Variants in RYR2 observed in about 807,000 individuals in gnomAD.
RYR2 encodes ryanodine receptor 2.
Under a neutral mutation model 601.1 loss-of-function variants are expected in RYR2, and 227 were observed. The ratio of observed to expected loss-of-function variants is 0.38; its 90% CI spans 0.34 to 0.42. The LOEUF is 0.42. Ranked by LOEUF, RYR2 falls within the 10% of genes least tolerant of loss-of-function variation. The pLI is 1.00. For synonymous variants in RYR2, 2,223 were observed against 2,175.1 expected (o/e 1.02, Z -0.61); for missense variants, 4,646 against 6,156.5 (o/e 0.75, Z 8.21).
At chr1:237,753,179 A>G (rs1328278765) in intron 80 of RYR2, among the ~76,000 whole-genome samples, 1 of 152,204 alleles carries the variant, frequency 6.6e-6, no homozygotes, top group Non-Finnish European at 1.5e-5. Flanking sequence ...TTTCATCTCC[A>G]TTACAAAGAT....
chr1:237,347,581 A>G, intron 3 of RYR2, among the ~76,000 whole-genome samples: 1 of 152,162 alleles, frequency 6.6e-6, no homozygotes, highest in East Asian at 1.9e-4. Flanking sequence ...TGTTGGGAAG[A>G]AAACATCTAG....
At chr1:237,680,924 G>C (rs1415181299) in intron 62 of RYR2, among the ~76,000 whole-genome samples, 2 of 152,110 alleles carry the variant, frequency 1.3e-5, no homozygotes, top group Admixed American at 1.3e-4. Flanking sequence ...CCACAAATCT[G>C]ATATTTTTGC....
Position 237,593,459 on chromosome 1 carries a change from T to G in RYR2, c.4276-17T>G, listed in dbSNP as rs746089126. The G allele has an allele frequency of 8.2e-6, 13 of 1,581,244 alleles. No individual in the cohort carries two copies. The highest frequency in any genetic ancestry group is 1.4e-5 in the African/African-American group (1 of 73,588). ...TTAGTTTTACTTTGCCAATATTTGGTTCTGCTATCTTCACAGTACTATTAC... is the reference window on the plus strand; with the variant it reads ...TTAGTTTTACTTTGCCAATATTTGGGTCTGCTATCTTCACAGTACTATTAC... On this transcript the variant is annotated splice_polypyrimidine_tract_variant and intron_variant, in intron 32 of 104. Coordinates refer to ENST00000366574, the MANE Select transcript of RYR2 (RefSeq NM_001035.3).
chr1:237,358,344 C>G (rs537890068), intron 4 of RYR2, among the ~76,000 whole-genome samples: 5 of 151,928 alleles, frequency 3.3e-5, no homozygotes, highest in African/African-American at 1.2e-4. Context: ...TCTTGCTTGC[C>G]CCGCCGGGTT....
chr1:237,204,514 A>G (rs199547060), intron 1 of RYR2, among the ~76,000 whole-genome samples: 2 of 151,644 alleles, frequency 1.3e-5, no homozygotes, highest in African/African-American at 4.8e-5. Flanking sequence ...AAAAAAAAAA[A>G]AAAAGAAAGA....
intron 14 of RYR2, among the ~76,000 whole-genome samples, chr1:237,451,318 C>T (rs943469686): frequency 2.0e-5 from 3 of 152,036 alleles, no homozygotes; most frequent in Admixed American, 6.6e-5. Flanking sequence ...CACCTGTAAT[C>T]GTAGCACTTT....
chr1:237,702,420 G>A (rs1187331867), intron 66 of RYR2, among the ~76,000 whole-genome samples: 1 of 152,036 alleles, frequency 6.6e-6, no homozygotes, highest in Non-Finnish European at 1.5e-5. Flanking sequence ...ATTTTCTCAT[G>A]TTCTCAAGTT....
intron 24 of RYR2, among the ~76,000 whole-genome samples, chr1:237,519,595 G>A (rs9633357): frequency 0.27 from 41,684 of 151,884 alleles, 5,947 homozygotes; most frequent in South Asian, 0.41. Flanking sequence ...ATGGCTGTAA[G>A]TATGTAGCTT....
At chr1:237,720,725 C>A (rs542073277) in intron 73 of RYR2, among the ~76,000 whole-genome samples, 2 of 152,248 alleles carry the variant, frequency 1.3e-5, no homozygotes, top group South Asian at 4.2e-4. Context: ...TTATCTAGTT[C>A]AACAATTACT....
intron 71 of RYR2, among the ~76,000 whole-genome samples, chr1:237,716,394 G>C (rs1195558956): frequency 7.3e-6 from 1 of 137,656 alleles, no homozygotes; most frequent in African/African-American, 3.6e-5. Flanking sequence ...TTGTAACTTT[G>C]AATTACTGCT....
intron 1 of RYR2, among the ~76,000 whole-genome samples, chr1:237,048,397 G>C (rs1009539600): frequency 3.3e-5 from 5 of 151,680 alleles, no homozygotes; most frequent in African/African-American, 1.2e-4. Context: ...TTCTTGTTCT[G>C]ATCCCAGTAC....
At chr1:237,671,480 C>G (rs146745427) in intron 58 of RYR2, among the ~76,000 whole-genome samples, 1 of 151,662 alleles carries the variant, frequency 6.6e-6, no homozygotes, top group Non-Finnish European at 1.5e-5. Flanking sequence ...GAATCTGTCA[C>G]CACCTGATGT....
chr1:237,591,089 TCTCCTCCTC>T, intron 31 of RYR2, 97 bp downstream of exon 31: 1 of 738,784 alleles, frequency 1.4e-6, no homozygotes, highest in Middle Eastern at 4.0e-4. Context: ...TTTTCCTCCT[TCTCCTCCTC>T]CTCCTCCTCC....
chr1:237,440,463 A>G (rs1707806606), intron 12 of RYR2, among the ~76,000 whole-genome samples: 1 of 152,176 alleles, frequency 6.6e-6, no homozygotes, highest in Admixed American at 6.5e-5. Flanking sequence ...TTTAAGACAT[A>G]GTGAGTTCCT....
chr1:237,390,824 T>C (rs980934212), intron 10 of RYR2, among the ~76,000 whole-genome samples: 161 of 152,294 alleles, frequency 1.1e-3, no homozygotes, highest in Admixed American at 0.01. Flanking sequence ...CAGTTCAACT[T>C]ATTCTTAGTA....
chr1:237,821,618 C>T (rs1415288262), intron 101 of RYR2, among the ~76,000 whole-genome samples: 1 of 152,006 alleles, frequency 6.6e-6, no homozygotes, highest in Non-Finnish European at 1.5e-5. Flanking sequence ...ACCTCCTCTC[C>T]TCCAAAGTAT....
intron 1 of RYR2, among the ~76,000 whole-genome samples, chr1:237,138,715 T>C (rs2148744088): frequency 6.6e-6 from 1 of 152,374 alleles, no homozygotes; most frequent in Admixed American, 6.5e-5. Context: ...ACATTTGGAA[T>C]CTGGAGTCCC....
At chr1:237,245,997 G>A (rs1261197440) in intron 1 of RYR2, among the ~76,000 whole-genome samples, 1 of 152,152 alleles carries the variant, frequency 6.6e-6, no homozygotes, top group Non-Finnish European at 1.5e-5. Context: ...GACCTGGCTG[G>A]TCTCGAACTC....
chr1:237,312,120 A>G (rs989025230), intron 2 of RYR2, among the ~76,000 whole-genome samples: 2 of 152,194 alleles, frequency 1.3e-5, no homozygotes, highest in African/African-American at 4.8e-5. Flanking sequence ...GTCAGGAGTG[A>G]GCAAATTCTT....
Sources: gnomAD v4.1 joint callset for allele counts (sites outside exome capture counted in the v4.1 genomes callset) on GRCh38, gnomAD v4.1.1 for gene constraint, MANE v1.5 for transcripts, NCBI Gene and HGNC (gene_info 2026-07-23, HGNC 2026-07-21) for gene names.